PCDH15: variants seen among roughly 807,000 people sequenced by gnomAD.
PCDH15 encodes the protein protocadherin related 15.
Under a neutral mutation model 178.5 loss-of-function variants are expected in PCDH15, and 129 were observed. The ratio of observed to expected loss-of-function variants is 0.72; its 90% CI spans 0.63 to 0.84. The LOEUF (loss-of-function observed/expected upper bound fraction) is 0.84. PCDH15 is among the 40% of genes least tolerant of loss of function. The probability of loss-of-function intolerance (pLI) is 0.00; values close to 1 mark genes in which losing one functional copy is unlikely to be tolerated. For missense variants in PCDH15, 2,230 were observed against 2,099.9 expected (o/e 1.06, Z -1.21); for synonymous variants, 800 against 732.0 (o/e 1.09, Z -1.50).
intron 2 of PCDH15, among the ~76,000 whole-genome samples, chr10:54,645,919 T>G (rs775736047): frequency 5.9e-5 from 9 of 152,138 alleles, no homozygotes; most frequent in Admixed American, 1.3e-4. Context: ...ACTATTATTC[T>G]TGATTATGGA....
intron 18 of PCDH15, among the ~76,000 whole-genome samples, chr10:54,042,012 GA>G (rs78057690): frequency 0.18 from 27,164 of 151,654 alleles, 2,767 homozygotes; most frequent in Non-Finnish European, 0.24. Flanking sequence ...AATTAAGATA[GA>G]AAAAAAATGT....
intron 3 of PCDH15, among the ~76,000 whole-genome samples, chr10:54,442,443 T>TATATATATATATATAC (rs2075874977): frequency 8.3e-6 from 1 of 121,040 alleles, no homozygotes; most frequent in African/African-American, 3.6e-5. Flanking sequence ...TATATATATA[T>TATATATATATATATAC]ATATATATAT....
chr10:54,317,240 A>G (rs777653374), intron 8 of PCDH15, 31 bp downstream of exon 8: 6 of 1,604,636 alleles, frequency 3.7e-6, no homozygotes, highest in Non-Finnish European at 4.3e-6. Context: ...AAAACATGCA[A>G]ATAAATGGAG....
intron 2 of PCDH15, among the ~76,000 whole-genome samples, chr10:55,351,019 C>T: frequency 9.9e-6 from 1 of 100,968 alleles, no homozygotes; most frequent in Non-Finnish European, 1.9e-5. Flanking sequence ...TCCCTCTCTC[C>T]CTGCTTCCTC....
At chr10:53,885,256 T>C (rs2081008075) in intron 26 of PCDH15, among the ~76,000 whole-genome samples, 1 of 152,116 alleles carries the variant, frequency 6.6e-6, no homozygotes, top group South Asian at 2.1e-4. Flanking sequence ...TTTCACTGCC[T>C]TTTCCCTTTT....
Position 54,716,350 on chromosome 10 carries a change from C to A in PCDH15, c.-28-52060G>T, listed in dbSNP as rs922603668. Among the ~76,000 whole-genome samples, 3 of 152,100 alleles carry A rather than the reference C, an allele frequency of 2.0e-5. No homozygotes were observed. The South Asian group carries it at 6.2e-4, about 32-fold the overall frequency. On this transcript the variant is annotated intron_variant, in intron 1 of 37. Coordinates refer to ENST00000644397, the MANE Select transcript of PCDH15 (RefSeq NM_001384140.1). ...ACCTACTGGCCTAGAGTTTGAAATG[C>A]AAAACACAATAGAAAATGATATTGA...
At chr10:55,233,035 G>T (rs899855447) in intron 1 of PCDH15, among the ~76,000 whole-genome samples, 1 of 147,260 alleles carries the variant, frequency 6.8e-6, no homozygotes, top group African/African-American at 2.5e-5. Context: ...TTAGCAATAG[G>T]AAACTAATAC....
At chr10:54,499,230 T>A (rs1020068225) in intron 3 of PCDH15, among the ~76,000 whole-genome samples, 1 of 152,098 alleles carries the variant, frequency 6.6e-6, no homozygotes, top group Non-Finnish European at 1.5e-5. Context: ...ATAGGAGACT[T>A]CAATACCCCA....
At chr10:55,321,610 G>A (rs904901258), upstream of PCDH15, among the ~76,000 whole-genome samples, 2 of 152,100 alleles carry the variant, frequency 1.3e-5, no homozygotes, top group Non-Finnish European at 1.5e-5. Flanking sequence ...TAGAGAGAAA[G>A]GACTGGTCAC....
At position 55,191,702 on chromosome 10, in the gene PCDH15, C is replaced by A. The variant is rs907580101; in HGVS notation, c.-155-25051G>T. On this transcript the variant is annotated intron_variant, in intron 1 of 5. Transcript: ENST00000458638. ...AGTGGCACTTAATTTTATGAAGGTT[C>A]ATTTCTTACACTGACTTGAAACCCC... Among the ~76,000 whole-genome samples the A allele has an allele frequency of 2.6e-5, 4 of 151,952 alleles. No individual in the cohort carries two copies. In the East Asian group the frequency reaches 7.7e-4, roughly 29 times the overall value.
chr10:54,016,403 G>C (rs999483433), intron 20 of PCDH15, among the ~76,000 whole-genome samples: 6 of 152,152 alleles, frequency 3.9e-5, no homozygotes, highest in African/African-American at 1.4e-4. Flanking sequence ...ACAAATTGTT[G>C]TACCATAAAG....
rs1462361069 is a variant in PCDH15, at chr10:54,735,871, T to TG, written c.-29+65053dup. On this transcript the variant is annotated intron_variant, in intron 1 of 37. Coordinates refer to ENST00000644397, the MANE Select transcript of PCDH15 (RefSeq NM_001384140.1). ...TCACACTCTGGGGACTGTTGTGGGG[T>TG]GGGGGGAGGGGGGAGGGATAGCATT... is the stretch of plus-strand genomic sequence containing the variant. Among the ~76,000 whole-genome samples, 2 of 71,748 alleles carry TG rather than the reference T, an allele frequency of 2.8e-5. 1 individual carries two copies. The highest frequency in any genetic ancestry group is 1.1e-4 in the African/African-American group (2 of 18,598). 47.1% of individuals were successfully genotyped at this position (71,748 alleles called of 152,430 possible).
chr10:54,364,885 C>T (rs1211831119), intron 5 of PCDH15, among the ~76,000 whole-genome samples: 2 of 152,100 alleles, frequency 1.3e-5, no homozygotes, highest in African/African-American at 2.4e-5. Context: ...TAGCTGTCGA[C>T]TGGGGTTCCT....
rs148092555 is a variant in PCDH15, at chr10:54,789,975, A to G, written c.-29+10950T>C. Among the ~76,000 whole-genome samples, 642 of 152,042 alleles carry G rather than the reference A, an allele frequency of 4.2e-3. 7 individuals are homozygous for G. Among genetic ancestry groups the G allele is most frequent in the African/African-American group, 0.015 (630 of 41,514 alleles). On this transcript the variant is annotated intron_variant, in intron 1 of 37. Transcript: ENST00000644397. ...TATCAAATTGACTGGAGAAAATACGACAAACTTAACAAATAAGGGTAGCAT... is the reference window on the plus strand; with the variant it reads ...TATCAAATTGACTGGAGAAAATACGGCAAACTTAACAAATAAGGGTAGCAT...
Position 54,588,981 on chromosome 10 carries a change from G to A in PCDH15, c.92-61104C>T, listed in dbSNP as rs560756179. Among the ~76,000 whole-genome samples, 140 of 152,252 alleles carry A rather than the reference G, an allele frequency of 9.2e-4. 1 individual carries two copies. Among genetic ancestry groups the A allele is most frequent in the African/African-American group, 2.7e-3 (112 of 41,548 alleles). ...TTTCAAATGAATTCCAAAAGTTTGA[G>A]AAAGTAATAGAATTTGTGTCTGTCT... On this transcript the variant is annotated intron_variant, in intron 2 of 37. Coordinates refer to ENST00000644397, the MANE Select transcript of PCDH15 (RefSeq NM_001384140.1).
intron 6 of PCDH15, among the ~76,000 whole-genome samples, chr10:54,331,495 T>C (rs1462394546): frequency 6.6e-6 from 1 of 152,026 alleles, no homozygotes; most frequent in African/African-American, 2.4e-5. Flanking sequence ...ACATTTTCCC[T>C]AATTTTTTGC....
chr10:54,906,523 T>C (rs1259210536), intron 2 of PCDH15, among the ~76,000 whole-genome samples: 1 of 152,160 alleles, frequency 6.6e-6, no homozygotes, highest in African/African-American at 2.4e-5. Flanking sequence ...TTTAATTTCA[T>C]AATTTAAACT....
intron 1 of PCDH15, among the ~76,000 whole-genome samples, chr10:55,222,912 C>A (rs1277131202): frequency 1.3e-5 from 2 of 151,740 alleles, no homozygotes; most frequent in East Asian, 3.9e-4. Context: ...ATAGTGAAAT[C>A]TTTTATCTTT....
intron 1 of PCDH15, among the ~76,000 whole-genome samples, chr10:55,176,964 G>A (rs977422188): frequency 7.2e-5 from 11 of 152,096 alleles, no homozygotes; most frequent in African/African-American, 1.9e-4. Flanking sequence ...TTTATAATAT[G>A]TAGATGACAT....
Sources: gnomAD v4.1 joint callset for allele counts (sites outside exome capture counted in the v4.1 genomes callset) on GRCh38, gnomAD v4.1.1 for gene constraint, MANE v1.5 for transcripts, NCBI Gene and HGNC (gene_info 2026-07-23, HGNC 2026-07-21) for gene names.